The following ARID4B variants were observed in gnomAD, a reference collection of about 807,000 sequenced individuals.
ARID4B encodes the protein AT-rich interactive domain-containing protein 4B.
ARID4B carries 26 observed loss-of-function variants against 147.5 expected under a neutral mutation model. That is an observed-to-expected ratio of 0.18 (90% CI 0.13 to 0.24). ARID4B has a LOEUF of 0.24. Among genes scored for constraint, ARID4B ranks in the 10% least tolerant of loss-of-function variants. ARID4B has a pLI of 1.00. For synonymous variants in ARID4B, 512 were observed against 507.9 expected (o/e 1.01, Z -0.11); for missense variants, 1,179 against 1,511.5 (o/e 0.78, Z 3.65).
intron 17 of ARID4B, among the ~76,000 whole-genome samples, chr1:235,200,335 T>C (rs1241468802): frequency 6.6e-6 from 1 of 152,130 alleles, no homozygotes; most frequent in East Asian, 1.9e-4. Flanking sequence ...AGCGGGCGCC[T>C]GTAGTCCTAG....
chr1:235,181,380 A>T, intron 20 of ARID4B: 1 of 768,666 alleles, frequency 1.3e-6, no homozygotes, highest in Admixed American at 3.3e-5. Context: ...TGGATGGCTC[A>T]AGCAAAGCAC....
At chr1:235,252,868 G>A in intron 5 of ARID4B, 59 bp from the exon 6 acceptor site, 3 of 1,396,560 alleles carry the variant, frequency 2.1e-6, no homozygotes, top group Non-Finnish European at 3.0e-6. Flanking sequence ...TCAAAGAGAT[G>A]ACATGTATTA....
At chr1:235,302,913 G>C (rs1354638410) in intron 2 of ARID4B, among the ~76,000 whole-genome samples, 3 of 150,406 alleles carry the variant, frequency 2.0e-5, no homozygotes, top group African/African-American at 7.4e-5. Context: ...TTCAGTTTGA[G>C]AGTTTATATT....
intron 10 of ARID4B, among the ~76,000 whole-genome samples, chr1:235,230,758 T>C (rs1462212430): frequency 6.6e-6 from 1 of 151,444 alleles, no homozygotes; most frequent in South Asian, 2.1e-4. Flanking sequence ...CCCAGCTCTA[T>C]TAAAATAACA....
chr1:235,302,509 T>A (rs1220705326), intron 2 of ARID4B, among the ~76,000 whole-genome samples: 2 of 152,218 alleles, frequency 1.3e-5, no homozygotes, highest in Non-Finnish European at 1.5e-5. Flanking sequence ...AACAATGTTT[T>A]GGATATGCTG....
At chr1:235,194,311 A>T (rs947550267) in intron 18 of ARID4B, 100 bp from the exon 19 acceptor site, 36 of 909,526 alleles carry the variant, frequency 4.0e-5, no homozygotes, top group Non-Finnish European at 5.3e-5. Context: ...ATATGTTGTT[A>T]AATATTTAAC....
chr1:235,293,179 G>A (rs544424105), intron 2 of ARID4B, among the ~76,000 whole-genome samples: 4 of 152,250 alleles, frequency 2.6e-5, no homozygotes, highest in South Asian at 2.1e-4. Flanking sequence ...GTACCGAAGC[G>A]CAGTAACTAA....
At chr1:235,183,217 C>CTT (rs971994058) in intron 19 of ARID4B, among the ~76,000 whole-genome samples, 2 of 144,536 alleles carry the variant, frequency 1.4e-5, no homozygotes, top group East Asian at 4.0e-4. Flanking sequence ...TAATATTCTT[C>CTT]TTTTTTTTTT....
chr1:235,186,610 T>G (rs1664703946), intron 19 of ARID4B, among the ~76,000 whole-genome samples: 1 of 151,990 alleles, frequency 6.6e-6, no homozygotes, highest in Admixed American at 6.6e-5. Flanking sequence ...ACCCTATTGG[T>G]CAGGCTGGTC....
At chr1:235,308,947 C>T (rs188540400) in intron 2 of ARID4B, among the ~76,000 whole-genome samples, 9 of 146,774 alleles carry the variant, frequency 6.1e-5, no homozygotes, top group Non-Finnish European at 9.0e-5. Context: ...TCGTCTGGGA[C>T]GTGAGGAGCC....
chr1:235,317,843 T>G (rs1032896398), intron 2 of ARID4B, among the ~76,000 whole-genome samples: 4 of 152,306 alleles, frequency 2.6e-5, no homozygotes, highest in South Asian at 2.1e-4. Context: ...TGAATTAATT[T>G]TTTAAATGTC....
At chr1:235,227,111 A>T (rs1226756297) in intron 11 of ARID4B, among the ~76,000 whole-genome samples, 1 of 152,206 alleles carries the variant, frequency 6.6e-6, no homozygotes, top group Non-Finnish European at 1.5e-5. Context: ...CTGACTAAGG[A>T]AGGAGGGGAG....
chr1:235,294,212 T>C (rs1299502602), intron 2 of ARID4B, among the ~76,000 whole-genome samples: 2 of 151,882 alleles, frequency 1.3e-5, no homozygotes, highest in Non-Finnish European at 2.9e-5. Context: ...AAAATTAATG[T>C]AAGCATAAAT....
At chr1:235,170,771 G>A (rs548853644) in intron 23 of ARID4B, among the ~76,000 whole-genome samples, 1 of 151,714 alleles carries the variant, frequency 6.6e-6, no homozygotes, top group South Asian at 2.1e-4. Flanking sequence ...AAATTAGCTG[G>A]GCATGGCGGC....
chr1:235,249,523 T>C (rs1488778009), intron 6 of ARID4B, among the ~76,000 whole-genome samples: 2 of 151,162 alleles, frequency 1.3e-5, no homozygotes, highest in African/African-American at 4.9e-5. Context: ...AGGCTGGGCG[T>C]GGTGGCTCAA....
At chr1:235,263,899 C>G (rs1031149287) in intron 2 of ARID4B, among the ~76,000 whole-genome samples, 3 of 151,772 alleles carry the variant, frequency 2.0e-5, no homozygotes, top group Admixed American at 1.3e-4. Context: ...GAGGCTGAGG[C>G]AGGAGAATGG....
chr1:235,252,163 T>C (rs942471496), intron 6 of ARID4B, among the ~76,000 whole-genome samples: 6 of 152,206 alleles, frequency 3.9e-5, no homozygotes, highest in Non-Finnish European at 7.4e-5. Flanking sequence ...ATGAAGAAGA[T>C]ATACAAAGTC....
chr1:235,284,590 A>ACGT (rs1671857644), intron 2 of ARID4B, among the ~76,000 whole-genome samples: 1 of 152,208 alleles, frequency 6.6e-6, no homozygotes, highest in South Asian at 2.1e-4. Context: ...TGGAAAGCTA[A>ACGT]CGTGAGAGGA....
chr1:235,246,360 A>C, intron 7 of ARID4B, 60 bp downstream of exon 7: 3 of 1,341,700 alleles, frequency 2.2e-6, no homozygotes, highest in South Asian at 1.2e-5. Context: ...AATAACTATA[A>C]ACAATACTAG....
Sources: allele counts gnomAD v4.1 joint callset (sites outside exome capture counted in the v4.1 genomes callset), GRCh38; gene constraint gnomAD v4.1.1; transcripts MANE v1.5; gene names NCBI Gene and HGNC (gene_info 2026-07-23, HGNC 2026-07-21).